The following ITGA8 variants were observed in gnomAD, a reference collection of about 807,000 sequenced individuals.
The protein encoded by ITGA8 is integrin alpha-8.
In ITGA8, 91 loss-of-function variants were observed where a neutral mutation model predicts 142.3. The ratio of observed to expected loss-of-function variants is 0.64; its 90% CI spans 0.54 to 0.76. ITGA8 has a LOEUF of 0.76. Among genes scored for constraint, ITGA8 ranks in the 30% least tolerant of loss-of-function variants. ITGA8 has a pLI of 0.00. For missense variants in ITGA8, 1,406 were observed against 1,327.7 expected, an observed-to-expected ratio of 1.06 and a Z score of -0.92; for synonymous variants, 505 against 485.2, an observed-to-expected ratio of 1.04 and a Z score of -0.54.
chr10:15,519,482 A>G, intron 28 of ITGA8, 70 bp from the exon 29 acceptor site: 1 of 1,517,874 alleles, frequency 6.6e-7, no homozygotes, highest in Non-Finnish European at 9.1e-7. Context: ...AGTAATTACC[A>G]GTACAACATC....
chr10:15,669,389 T>C (rs1293387499), intron 8 of ITGA8, among the ~76,000 whole-genome samples: 1 of 152,232 alleles, frequency 6.6e-6, no homozygotes, highest in African/African-American at 2.4e-5. Flanking sequence ...TAAGGACTTT[T>C]CTTCATTGGT....
At chr10:15,524,464 C>T (rs1197846879) in intron 28 of ITGA8, among the ~76,000 whole-genome samples, 4 of 152,200 alleles carry the variant, frequency 2.6e-5, no homozygotes, top group Non-Finnish European at 5.9e-5. Context: ...AATCAGGCGA[C>T]CTTGTCCTTG....
chr10:15,527,405 G>T (rs1833195709), intron 28 of ITGA8, among the ~76,000 whole-genome samples: 1 of 152,164 alleles, frequency 6.6e-6, no homozygotes, highest in Admixed American at 6.5e-5. Flanking sequence ...CCCACTTTCT[G>T]CTAGATGTAA....
chr10:15,651,549 T>C (rs1234412492), intron 11 of ITGA8, among the ~76,000 whole-genome samples: 1 of 151,812 alleles, frequency 6.6e-6, no homozygotes, highest in Non-Finnish European at 1.5e-5. Context: ...TTTTTCGTGA[T>C]GTTGAGATTT....
At chr10:15,520,962 C>T (rs556721523) in intron 28 of ITGA8, among the ~76,000 whole-genome samples, 1 of 152,168 alleles carries the variant, frequency 6.6e-6, no homozygotes, top group Admixed American at 6.5e-5. Context: ...ACAGCCTGAA[C>T]CCTAGCACTG....
chr10:15,635,575 C>T (rs374604668), intron 13 of ITGA8, among the ~76,000 whole-genome samples: 18 of 152,256 alleles, frequency 1.2e-4, no homozygotes, highest in African/African-American at 4.1e-4. Context: ...TACTTGACAA[C>T]ACTCCTCAAT....
chr10:15,531,050 T>C lies in ITGA8; in HGVS notation c.2982A>G (p.Val994=). The change falls in exon 28 of 30, where the codon GTA becomes GTG. Residue 994 remains valine (V), a splice_region_variant and synonymous_variant. Transcript: ENST00000378076. ...CCTATATATATTTAAAGATACTCAC[T>C]ACTATGCTTCCTTCTGGGAGTTTTG... is the stretch of plus-strand genomic sequence containing the variant. The part of the protein sequence containing the change: ...QPAKLPEGSI[V]IKTSVIWATP... The C allele has an allele frequency of 7.1e-7, 1 of 1,417,632 alleles. No individual in the cohort carries two copies. The highest frequency in any genetic ancestry group is 9.8e-7 in the Non-Finnish European group (1 of 1,022,200). 87.8% of individuals were successfully genotyped at this position (1,417,632 alleles called of 1,614,324 possible).
chr10:15,574,549 C>T (rs553458095), intron 24 of ITGA8, among the ~76,000 whole-genome samples: 1 of 152,002 alleles, frequency 6.6e-6, no homozygotes, highest in African/African-American at 2.4e-5. Flanking sequence ...CGCCACCAAG[C>T]CCAGCTAATT....
Position 15,517,040 on chromosome 10 carries a change from C to A in ITGA8, c.*118G>T. 1.2e-4 allele frequency: 65 copies of A among 530,746 alleles called. No homozygotes were observed. The highest frequency in any genetic ancestry group is 4.6e-4 in the South Asian group (12 of 26,242). 32.9% of individuals were successfully genotyped at this position (530,746 alleles called of 1,614,324 possible). A position where few individuals can be genotyped will look rare whatever the true frequency, so the allele number is the denominator to read the frequency against. Reference sequence around the variant, plus strand: ...GATGAGGTGATGTTTCCAGGGTCCCCTCCATTTCCTGGGTCACTGTCAGGT... The same window carrying A: ...GATGAGGTGATGTTTCCAGGGTCCCATCCATTTCCTGGGTCACTGTCAGGT... On this transcript the variant is annotated 3_prime_UTR_variant, in exon 30 of 30. Coordinates refer to ENST00000378076, the MANE Select transcript of ITGA8 (RefSeq NM_003638.3).
chr10:15,527,961 G>A (rs1383086046), intron 28 of ITGA8, among the ~76,000 whole-genome samples: 2 of 134,454 alleles, frequency 1.5e-5, no homozygotes, highest in Non-Finnish European at 3.0e-5. Context: ...TGTTGCCCAG[G>A]CTGGAGTGCA....
intron 12 of ITGA8, among the ~76,000 whole-genome samples, chr10:15,645,768 G>A (rs1293107837): frequency 6.6e-6 from 1 of 152,148 alleles, no homozygotes; most frequent in Non-Finnish European, 1.5e-5. Flanking sequence ...AGAACCTGAA[G>A]TGCATTTAAG....
chr10:15,636,037 T>C (rs1833767566), intron 13 of ITGA8, among the ~76,000 whole-genome samples: 1 of 152,126 alleles, frequency 6.6e-6, no homozygotes, highest in African/African-American at 2.4e-5. Flanking sequence ...TATAATTATA[T>C]AGTAGGGGCC....
intron 2 of ITGA8, among the ~76,000 whole-genome samples, chr10:15,703,843 C>T (rs1450428699): frequency 6.6e-6 from 1 of 151,922 alleles, no homozygotes; most frequent in Non-Finnish European, 1.5e-5. Context: ...GAAAATCCTC[C>T]CCCAAAACAC....
intron 13 of ITGA8, among the ~76,000 whole-genome samples, chr10:15,641,970 C>A (rs1833879967): frequency 6.6e-6 from 1 of 151,946 alleles, no homozygotes; most frequent in South Asian, 2.1e-4. Flanking sequence ...TCTACTAAAA[C>A]TACAAAAATG....
At chr10:15,625,752 T>G (rs577285223) in intron 13 of ITGA8, among the ~76,000 whole-genome samples, 1 of 152,278 alleles carries the variant, frequency 6.6e-6, no homozygotes, top group South Asian at 2.1e-4. Flanking sequence ...TGTGACTATA[T>G]TAGGAGATAG....
chr10:15,710,256 A>G (rs184475834), intron 2 of ITGA8, among the ~76,000 whole-genome samples: 13 of 152,216 alleles, frequency 8.5e-5, no homozygotes, highest in Admixed American at 6.5e-5. Flanking sequence ...TATGTTTTTT[A>G]TTTACCACTG....
chr10:15,537,676 G>C (rs1833475265), intron 27 of ITGA8, among the ~76,000 whole-genome samples: 1 of 152,210 alleles, frequency 6.6e-6, no homozygotes, highest in African/African-American at 2.4e-5. Context: ...GTGTCATAAT[G>C]ATAGGAGTCC....
chr10:15,575,414 AAT>A (rs1403512588), intron 24 of ITGA8, 73 bp downstream of exon 24: 12 of 1,012,334 alleles, frequency 1.2e-5, no homozygotes, highest in Non-Finnish European at 1.7e-5. Flanking sequence ...TAATGATAAT[AAT>A]GCTACATAGA....
intron 27 of ITGA8, among the ~76,000 whole-genome samples, chr10:15,531,869 T>G (rs7076014): frequency 6.6e-5 from 10 of 151,876 alleles, no homozygotes; most frequent in South Asian, 6.2e-4. Context: ...CGCTTGAACC[T>G]GGGGGGCGCA....
Sources: allele counts gnomAD v4.1 joint callset (sites outside exome capture counted in the v4.1 genomes callset), GRCh38; gene constraint gnomAD v4.1.1; transcripts MANE v1.5; gene names NCBI Gene and HGNC (gene_info 2026-07-23, HGNC 2026-07-21).